PRXL2C: variants seen among roughly 807,000 people sequenced by gnomAD.
PRXL2C encodes the protein peroxiredoxin-like 2C.
A neutral mutation model predicts 24.9 loss-of-function variants in PRXL2C; 38 were observed. That is an observed-to-expected ratio of 1.53 (90% CI 1.18 to 2.00). The LOEUF (loss-of-function observed/expected upper bound fraction) is 2.00. Ranked by LOEUF, PRXL2C falls within the 30% of genes most tolerant of loss-of-function variation. PRXL2C has a pLI of 0.00. For missense variants in PRXL2C, 294 were observed against 290.9 expected, an observed-to-expected ratio of 1.01 and a Z score of -0.08; for synonymous variants, 98 against 117.2, an observed-to-expected ratio of 0.84 and a Z score of 1.06.
intron 5 of PRXL2C, 137 bp downstream of exon 5, chr9:96,645,756 C>T: frequency 2.1e-6 from 2 of 971,888 alleles, no homozygotes; most frequent in Non-Finnish European, 1.5e-6. Context: ...GAGATTGCGC[C>T]ACTGCACTCC....
Position 96,653,131 on chromosome 9 carries a change from G to A in PRXL2C, c.262-1419C>T, listed in dbSNP as rs1588103955. Among the ~76,000 whole-genome samples, 4 of 152,142 alleles carry A rather than the reference G, an allele frequency of 2.6e-5. No homozygotes were observed. The South Asian group carries it at 8.3e-4, about 32-fold the overall frequency. ...AGTCCCAGCTACTCAGGAGGCTGAG[G>A]CAGGAGAATGGCGTGAACCCGGGAG... On this transcript the variant is annotated intron_variant, in intron 2 of 5. Coordinates refer to ENST00000375234, the MANE Select transcript of PRXL2C (RefSeq NM_153698.2).
At chr9:96,652,996 G>C (rs1848291108) in intron 2 of PRXL2C, among the ~76,000 whole-genome samples, 1 of 152,156 alleles carries the variant, frequency 6.6e-6, no homozygotes, top group Admixed American at 6.5e-5. Flanking sequence ...GGGAGGCCAA[G>C]GCGGGCAGAT....
At chr9:96,646,097 G>C in intron 4 of PRXL2C, 73 bp from the exon 5 acceptor site, 1 of 1,425,956 alleles carries the variant, frequency 7.0e-7, no homozygotes, top group South Asian at 1.4e-5. Context: ...TGTATTTCTA[G>C]AAAACATTCT....
Position 96,655,126 on chromosome 9 carries a change from C to G in PRXL2C, c.156G>C (p.Leu52=). Residue 52 remains leucine (L), a synonymous_variant, in exon 1 of 6, where the codon CTG becomes CTC. Transcript: ENST00000375234. ...CCACCACGGCGCGGCGCTCCCGGAA[C>G]AGCGCGCCGAACGGTACCCGCTGCC... is the stretch of plus-strand genomic sequence containing the variant. ...ARGQRVPFGA[L]FRERRAVVVF... is the part of the protein sequence containing the mutation. The G allele has an allele frequency of 7.1e-7, 1 of 1,399,802 alleles. No homozygotes were observed. Among genetic ancestry groups the G allele is most frequent in the Non-Finnish European group, 9.3e-7 (1 of 1,080,226 alleles). The allele number at this position is 1,399,802 out of a possible 1,614,324, so 86.7% of individuals were successfully genotyped here.
At chr9:96,652,672 G>C (rs993712413) in intron 2 of PRXL2C, among the ~76,000 whole-genome samples, 1 of 152,172 alleles carries the variant, frequency 6.6e-6, no homozygotes, top group Non-Finnish European at 1.5e-5. Flanking sequence ...TGTTGGTGAG[G>C]ATGTGGAGAA....
chr9:96,649,546 A>G (rs995234232), intron 4 of PRXL2C, among the ~76,000 whole-genome samples: 2 of 138,948 alleles, frequency 1.4e-5, no homozygotes, highest in Non-Finnish European at 1.5e-5. Flanking sequence ...CCTAGACAAC[A>G]AGAGTGAAAC....
At position 96,640,865 on chromosome 9, in the gene PRXL2C, C is replaced by T. The variant is rs1021338283; in HGVS notation, c.*894G>A. ...AAAAAAAAAAAATTCTTATAGTTCCCTTTCAAAAAGCACACTGACCATATT... is the reference window on the plus strand; with the variant it reads ...AAAAAAAAAAAATTCTTATAGTTCCTTTTCAAAAAGCACACTGACCATATT... On this transcript the variant is annotated 3_prime_UTR_variant, in exon 6 of 6. Transcript: ENST00000375234. The T allele has an allele frequency of 6.6e-6, 1 of 151,684 alleles. No individual in the cohort carries two copies. Among genetic ancestry groups the T allele is most frequent in the Non-Finnish European group, 1.5e-5 (1 of 67,988 alleles). The allele number at this position is 151,684 out of a possible 1,614,324, so 9.4% of individuals were successfully genotyped here. A position where few individuals can be genotyped will look rare whatever the true frequency, so the allele number is the denominator to read the frequency against.
At chr9:96,644,881 CTTTTTTTTTTTTT>C (rs530343244) in intron 5 of PRXL2C, among the ~76,000 whole-genome samples, 113 of 36,686 alleles carry the variant, frequency 3.1e-3, no homozygotes, top group African/African-American at 5.2e-3. Flanking sequence ...TACATGGATT[CTTTTTTTTTTTTT>C]TTTTTTTTTT....
In PRXL2C at chr9:96,655,179, C is replaced by T. The variant is rs1351730062; in HGVS notation, c.103G>A (p.Ala35Thr). ...CGGGCGTCCAGCACCGGCAGCTCGG[C>T]CACGGCGGCCGCCAGGGGCTGCCCG... is the stretch of plus-strand genomic sequence containing the variant. The part of the protein sequence containing the change: ...DSGQPLAAAV[A>T]ELPVLDARGQ... Residue 35 changes from alanine (A) to threonine (T), a missense_variant, in exon 1 of 6, where the codon GCC (alanine) becomes ACC (threonine). Transcript: ENST00000375234. 1 of 1,221,270 alleles carries T rather than the reference C, an allele frequency of 8.2e-7. No individual in the cohort carries two copies. Among genetic ancestry groups the T allele is most frequent in the Non-Finnish European group, 1.0e-6 (1 of 982,970 alleles). The allele number at this position is 1,221,270 out of a possible 1,614,324, so 75.7% of individuals were successfully genotyped here. A position where few individuals can be genotyped will look rare whatever the true frequency, so the allele number is the denominator to read the frequency against.
chr9:96,647,335 T>G (rs1848211112), intron 4 of PRXL2C, among the ~76,000 whole-genome samples: 1 of 152,228 alleles, frequency 6.6e-6, no homozygotes, highest in Non-Finnish European at 1.5e-5. Flanking sequence ...TGTCTTACTT[T>G]TAACTTTTTA....
rs574080434 is a variant in PRXL2C at position 96,653,056 on chromosome 9, C to T, written c.262-1344G>A. ...TACTGGCTAACACGGTGAAACCCGT[C>T]TCTACTAAAAATACAAAAAATTAGC... is the stretch of plus-strand genomic sequence containing the variant. On this transcript the variant is annotated intron_variant, in intron 2 of 5. Coordinates refer to ENST00000375234, the MANE Select transcript of PRXL2C (RefSeq NM_153698.2). Among the ~76,000 whole-genome samples, 11 of 152,188 alleles carry T rather than the reference C, an allele frequency of 7.2e-5. No homozygotes were observed. The East Asian group carries it at 2.1e-3, about 29-fold the overall frequency.
At chr9:96,644,132 A>C (rs1371483449) in intron 5 of PRXL2C, among the ~76,000 whole-genome samples, 7 of 134,508 alleles carry the variant, frequency 5.2e-5, no homozygotes, top group African/African-American at 2.0e-4. Context: ...GCTCTGTCTC[A>C]AAAAAAAAAA....
At position 96,655,295 on chromosome 9, in the gene PRXL2C, C is replaced by G. The variant is rs1329969858; in HGVS notation, c.-14G>C. The G allele has an allele frequency of 2.0e-5, 21 of 1,044,048 alleles. No individual in the cohort carries two copies. In the South Asian group the frequency reaches 6.7e-4, roughly 33 times the overall value. 64.7% of individuals were successfully genotyped at this position (1,044,048 alleles called of 1,614,324 possible). On this transcript the variant is annotated 5_prime_UTR_variant, in exon 1 of 6. Coordinates refer to ENST00000375234, the MANE Select transcript of PRXL2C (RefSeq NM_153698.2). ...CGGCGCGGCCATGACGCGGGGCGGC[C>G]GAGGGCCTGGGTCCGCTCTGTCAGC...
intron 4 of PRXL2C, 66 bp downstream of exon 4, chr9:96,651,324 T>G: frequency 8.7e-7 from 1 of 1,147,586 alleles, no homozygotes; most frequent in South Asian, 1.4e-5. Context: ...TGTTTCCCTA[T>G]GCATATATAC....
At chr9:96,654,863 G>A in intron 1 of PRXL2C, 90 bp from the exon 2 acceptor site, 2 of 1,370,264 alleles carry the variant, frequency 1.5e-6, no homozygotes, top group Non-Finnish European at 2.0e-6. Flanking sequence ...CGTGACGCGA[G>A]CAAAGGCGAC....
intron 4 of PRXL2C, among the ~76,000 whole-genome samples, chr9:96,646,640 A>C (rs1848204169): frequency 6.6e-6 from 1 of 152,170 alleles, no homozygotes. Context: ...TGCTGCTTCC[A>C]GGCCAAGCTC....
rs771787265 is a variant in PRXL2C, at chr9:96,651,379, T to C, written c.421+11A>G. 1 of 1,560,868 alleles carries C rather than the reference T, an allele frequency of 6.4e-7. No homozygotes were observed. Among genetic ancestry groups the C allele is most frequent in the Non-Finnish European group, 8.8e-7 (1 of 1,135,740 alleles). On this transcript the variant is annotated intron_variant, in intron 4 of 5. Transcript: ENST00000375234. ...ACCAGTGTTTTCTATTTGAGACATG[T>C]TATGTCTTACCTGAGGAAGCAATTT...
At chr9:96,650,158 A>G (rs1848249494) in intron 4 of PRXL2C, among the ~76,000 whole-genome samples, 3 of 152,114 alleles carry the variant, frequency 2.0e-5, no homozygotes, top group African/African-American at 7.2e-5. Context: ...TCCCTCCATC[A>G]CTGGCCCTTA....
Position 96,654,765 on chromosome 9 carries a change from CAGGAA to C in PRXL2C, c.196_200del (p.Phe66ValfsTer38). The C allele has an allele frequency of 6.4e-7, 1 of 1,563,360 alleles. No homozygotes were observed. The highest frequency in any genetic ancestry group is 8.7e-7 in the Non-Finnish European group (1 of 1,152,602). On this transcript the variant is annotated frameshift_variant, in exon 2 of 6. Coordinates refer to ENST00000375234, the MANE Select transcript of PRXL2C (RefSeq NM_153698.2). LOFTEE classifies it high-confidence loss of function. ...CTACGTATTCCTTGCAGATGTAACA[CAGGAA>C]ATGCTGAAAGCCAAAACGGCAGAAA...
Sources: gnomAD v4.1 joint callset for allele counts (sites outside exome capture counted in the v4.1 genomes callset) on GRCh38, gnomAD v4.1.1 for gene constraint, MANE v1.5 for transcripts, NCBI Gene and HGNC (gene_info 2026-07-23, HGNC 2026-07-21) for gene names.